The following CIMIP2A variants were observed in gnomAD, a reference collection of about 807,000 sequenced individuals.
CIMIP2A encodes ciliary microtubule inner protein 2A, also known as family with sequence similarity 166 member A.
the CIMIP2A span, chr9:137,244,373 G>A: frequency 2.5e-6 from 4 of 1,596,780 alleles, no homozygotes; most frequent in Non-Finnish European, 3.4e-6. Context: ...CCTGGCCGGA[G>A]GGCCGGCACT....
chr9:137,248,542 C>CAAAA, the CIMIP2A span, among the ~76,000 whole-genome samples: 1 of 109,466 alleles, frequency 9.1e-6, no homozygotes, highest in Non-Finnish European at 1.8e-5. Flanking sequence ...GACTCTGTCT[C>CAAAA]AAAAAAAAAA....
At chr9:137,252,209 G>A in the CIMIP2A span, 1 of 1,546,262 alleles carries the variant, frequency 6.5e-7, no homozygotes, top group Admixed American at 1.8e-5. Context: ...TTGCCTCTGT[G>A]CTGAAACCCC....
chr9:137,243,873 G>A, the CIMIP2A span: 2 of 1,410,266 alleles, frequency 1.4e-6, no homozygotes, highest in Non-Finnish European at 1.0e-6. Flanking sequence ...GAGAAGTGTG[G>A]GGCTGCCCTG....
At chr9:137,244,554 C>A in the CIMIP2A span, 39 of 1,562,360 alleles carry the variant, frequency 2.5e-5, no homozygotes, top group Non-Finnish European at 3.3e-5. Flanking sequence ...GGGAACCTGG[C>A]CTTCAAGGCA....
At chr9:137,246,758 G>A in the CIMIP2A span, among the ~76,000 whole-genome samples, 3 of 151,852 alleles carry the variant, frequency 2.0e-5, no homozygotes, top group East Asian at 1.9e-4. Context: ...GCGAGACTCC[G>A]TCTCAAAAGA....
chr9:137,245,202 C>T, the CIMIP2A span: 1 of 1,581,754 alleles, frequency 6.3e-7, no homozygotes, highest in Non-Finnish European at 8.6e-7. Flanking sequence ...GTACTCATCC[C>T]TCTGGCAGTG....
the CIMIP2A span, chr9:137,251,386 G>C: frequency 1.9e-6 from 3 of 1,611,856 alleles, no homozygotes; most frequent in South Asian, 1.1e-5. Context: ...GACACAACCA[G>C]AGCCCACCCA....
At chr9:137,249,309 G>T in the CIMIP2A span, among the ~76,000 whole-genome samples, 1 of 152,196 alleles carries the variant, frequency 6.6e-6, no homozygotes, top group Non-Finnish European at 1.5e-5. Context: ...AATTTGGGTG[G>T]TGCCTTCTGG....
chr9:137,245,370 T>TG, the CIMIP2A span: 1 of 1,612,258 alleles, frequency 6.2e-7, no homozygotes, highest in Non-Finnish European at 8.5e-7. Context: ...CCCCGTATAC[T>TG]GGGTGTCCCA....
chr9:137,254,187 T>A, the CIMIP2A span, among the ~76,000 whole-genome samples: 1 of 152,252 alleles, frequency 6.6e-6, no homozygotes, highest in Non-Finnish European at 1.5e-5. Flanking sequence ...TCTGGGCAGC[T>A]GCTTCTGTGG....
At chr9:137,251,092 G>T in the CIMIP2A span, 2 of 595,838 alleles carry the variant, frequency 3.4e-6, no homozygotes, top group Non-Finnish European at 6.0e-6. Flanking sequence ...ACCGGGGCAG[G>T]CTGGGGGTCC....
chr9:137,247,339 G>A, the CIMIP2A span, among the ~76,000 whole-genome samples: 3 of 152,248 alleles, frequency 2.0e-5, no homozygotes, highest in Admixed American at 1.3e-4. Context: ...TGGAGTGGGC[G>A]TCGGGCACTT....
the CIMIP2A span, among the ~76,000 whole-genome samples, chr9:137,249,919 C>T: frequency 6.6e-6 from 1 of 152,208 alleles, no homozygotes; most frequent in Non-Finnish European, 1.5e-5. Flanking sequence ...CAAATTGAAG[C>T]TAGTTGGTCA....
At chr9:137,245,629 G>A in the CIMIP2A span, 2 of 1,610,258 alleles carry the variant, frequency 1.2e-6, no homozygotes, top group East Asian at 4.5e-5. Context: ...GCTGGGGACT[G>A]GCAGCTCACT....
At chr9:137,249,947 G>A in the CIMIP2A span, among the ~76,000 whole-genome samples, 1 of 152,214 alleles carries the variant, frequency 6.6e-6, no homozygotes. Flanking sequence ...CAGGGGCCCA[G>A]GCTTGCGACT....
At chr9:137,254,733 T>C in the CIMIP2A span, among the ~76,000 whole-genome samples, 3 of 150,860 alleles carry the variant, frequency 2.0e-5, no homozygotes, top group African/African-American at 2.4e-5. Flanking sequence ...AGGGACACTG[T>C]GGAACCTGGA....
the CIMIP2A span, chr9:137,244,200 A>G: frequency 5.0e-6 from 8 of 1,613,826 alleles, no homozygotes; most frequent in African/African-American, 2.7e-5. Context: ...GAAGGGGATC[A>G]GGCCTTGGCT....
chr9:137,248,596 T>C, the CIMIP2A span, among the ~76,000 whole-genome samples: 1 of 150,128 alleles, frequency 6.7e-6, no homozygotes, highest in African/African-American at 2.5e-5. Flanking sequence ...CTGTGGCTCA[T>C]GCCTATAATT....
At chr9:137,245,511 G>C in the CIMIP2A span, 1 of 1,613,868 alleles carries the variant, frequency 6.2e-7, no homozygotes, top group Non-Finnish European at 8.5e-7. Context: ...CCACCTCCAA[G>C]GGTGGGAGCT....
Sources: gnomAD v4.1 joint callset for allele counts (sites outside exome capture counted in the v4.1 genomes callset) on GRCh38, gnomAD v4.1.1 for gene constraint, MANE v1.5 for transcripts, NCBI Gene and HGNC (gene_info 2026-07-23, HGNC 2026-07-21) for gene names.